Variants in PCDH7 observed in about 807,000 individuals in gnomAD.
PCDH7 encodes the protein protocadherin 7.
In PCDH7, 17 loss-of-function variants were observed where a neutral mutation model predicts 58.9. The ratio of observed to expected loss-of-function variants is 0.29; its 90% CI spans 0.20 to 0.43. The LOEUF (loss-of-function observed/expected upper bound fraction) is 0.43, where lower values mean the gene tolerates loss of function less well. PCDH7 is among the 20% of genes least tolerant of loss of function. The pLI, the probability that PCDH7 is intolerant of heterozygous loss-of-function variation, is 1.00. For synonymous variants in PCDH7, 664 were observed against 616.4 expected, an observed-to-expected ratio of 1.08 and a Z score of -1.14; for missense variants, 1,274 against 1,441.0, an observed-to-expected ratio of 0.88 and a Z score of 1.88.
intron 1 of PCDH7, among the ~76,000 whole-genome samples, chr4:30,858,978 A>G (rs1733841322): frequency 6.6e-6 from 1 of 152,198 alleles, no homozygotes; most frequent in Non-Finnish European, 1.5e-5. Flanking sequence ...GTGGCCACAC[A>G]TATGTTTGGC....
chr4:30,922,034 T>C (rs1451461381), intron 2 of PCDH7, among the ~76,000 whole-genome samples: 1 of 151,800 alleles, frequency 6.6e-6, no homozygotes, highest in Non-Finnish European at 1.5e-5. Flanking sequence ...GATAATTATG[T>C]AATTACATGT....
At chr4:30,809,183 G>A (rs1011613725) in intron 1 of PCDH7, among the ~76,000 whole-genome samples, 1 of 152,124 alleles carries the variant, frequency 6.6e-6, no homozygotes, top group Non-Finnish European at 1.5e-5. Context: ...TTAACAAAAT[G>A]GAAAATTAGA....
intron 3 of PCDH7, among the ~76,000 whole-genome samples, chr4:31,118,491 T>G (rs80156603): frequency 6.6e-6 from 1 of 152,080 alleles, no homozygotes; most frequent in Non-Finnish European, 1.5e-5. Flanking sequence ...ATCTTTCCAG[T>G]TTAAGAAAGA....
intron 3 of PCDH7, among the ~76,000 whole-genome samples, chr4:31,011,261 A>C (rs1167283608): frequency 6.6e-6 from 1 of 152,030 alleles, no homozygotes; most frequent in African/African-American, 2.4e-5. Flanking sequence ...TTTTATAAGA[A>C]GATATTAAAG....
intron 3 of PCDH7, among the ~76,000 whole-genome samples, chr4:31,030,387 A>G (rs915947232): frequency 9.8e-5 from 15 of 152,288 alleles, no homozygotes; most frequent in African/African-American, 3.6e-4. Context: ...TAATAACCCA[A>G]ACTTTTGCAT....
rs1415225290 is a variant in PCDH7, at chr4:31,085,867, TTC to T, written c.*8-56605_*8-56604del. ...TCTCTCTCTCTCTTTTTTTTTTTTT[TTC>T]ATCTCTTCCTCTTCACCAGGAAATC... On this transcript the variant is annotated intron_variant, in intron 3 of 3. Coordinates refer to the PCDH7 transcript ENST00000509759. Among the ~76,000 whole-genome samples, 12 of 151,802 alleles carry T rather than the reference TTC, an allele frequency of 7.9e-5. No homozygotes were observed. In the East Asian group the frequency reaches 1.9e-3, roughly 24 times the overall value.
At chr4:31,025,147 G>A (rs1754325665) in intron 3 of PCDH7, among the ~76,000 whole-genome samples, 1 of 152,156 alleles carries the variant, frequency 6.6e-6, no homozygotes, top group Non-Finnish European at 1.5e-5. Flanking sequence ...TTTAGCTGGT[G>A]TAATGAAACT....
chr4:30,722,062 G>A lies in PCDH7; in HGVS notation c.640G>A (p.Ala214Thr). The A allele has an allele frequency of 8.0e-7, 1 of 1,242,298 alleles. No individual in the cohort carries two copies. The highest frequency in any genetic ancestry group is 1.0e-6 in the Non-Finnish European group (1 of 995,446). 77.0% of individuals were successfully genotyped at this position (1,242,298 alleles called of 1,614,324 possible). A position where few individuals can be genotyped will look rare whatever the true frequency, so the allele number is the denominator to read the frequency against. The change falls in exon 1 of 2, where the codon GCG becomes ACG. Residue 214 changes from alanine (A) to threonine (T), a missense_variant. By Grantham distance (58) the Ala-to-Thr change is moderately conservative. Transcript: ENST00000361762. The surrounding 1 kb of genome is among the most constrained non-coding windows in gnomAD (Gnocchi z 7.6). ...CTACCCCGGGGGCGGCGGGAACGGC[G>A]CGAGCGGCGGCGGCTCGGGAGGCTC...
chr4:30,963,962 A>G (rs1394354906), intron 3 of PCDH7, among the ~76,000 whole-genome samples: 2 of 152,190 alleles, frequency 1.3e-5, no homozygotes, highest in East Asian at 3.9e-4. Context: ...CAAACATATT[A>G]TCTTTCTATT....
At chr4:30,886,854 T>A (rs2109378017) in intron 1 of PCDH7, among the ~76,000 whole-genome samples, 1 of 149,362 alleles carries the variant, frequency 6.7e-6, no homozygotes, top group East Asian at 2.0e-4. Flanking sequence ...ATCATCATTC[T>A]CAGTAAACTA....
chr4:30,961,057 A>G (rs2109459656), intron 3 of PCDH7, among the ~76,000 whole-genome samples: 2 of 152,310 alleles, frequency 1.3e-5, no homozygotes, highest in African/African-American at 4.8e-5. Context: ...GTGGATTTAT[A>G]GATCTTTAAA....
intron 1 of PCDH7, among the ~76,000 whole-genome samples, chr4:30,858,733 T>C (rs1396626722): frequency 6.6e-6 from 1 of 152,220 alleles, no homozygotes; most frequent in East Asian, 1.9e-4. Context: ...ACTGATTTCC[T>C]ACCATTGGGT....
chr4:30,721,023 C>G lies in PCDH7; in HGVS notation c.-400C>G, dbSNP rs1487725220. On this transcript the variant is annotated 5_prime_UTR_variant, in exon 1 of 2. Transcript: ENST00000361762. The surrounding 1 kb of genome is among the most constrained non-coding windows in gnomAD (Gnocchi z 6.7). The stretch of plus-strand genomic sequence containing the variant: ...CTGCCGGAGCGGTTCTGGCCCCTTC[C>G]GACAGAGCGGGGACTAGAGCCGGGG... 1 of 197,962 alleles carries G rather than the reference C, an allele frequency of 5.1e-6. No homozygotes were observed. Among genetic ancestry groups the G allele is most frequent in the Non-Finnish European group, 1.0e-5 (1 of 98,996 alleles). 12.3% of individuals were successfully genotyped at this position (197,962 alleles called of 1,614,324 possible). A position where few individuals can be genotyped will look rare whatever the true frequency, so the allele number is the denominator to read the frequency against.
intron 3 of PCDH7, among the ~76,000 whole-genome samples, chr4:31,096,402 G>C (rs1274176185): frequency 6.6e-6 from 1 of 152,068 alleles, no homozygotes; most frequent in Non-Finnish European, 1.5e-5. Context: ...AAGCAATTGA[G>C]GGATATAAAA....
chr4:31,049,623 T>C (rs1453823799), intron 3 of PCDH7, among the ~76,000 whole-genome samples: 3 of 152,104 alleles, frequency 2.0e-5, no homozygotes, highest in Non-Finnish European at 4.4e-5. Flanking sequence ...AGATTAGGTG[T>C]CCAAAAAGTT....
At chr4:30,771,510 A>C (rs1170950168) in intron 1 of PCDH7, among the ~76,000 whole-genome samples, 2 of 152,202 alleles carry the variant, frequency 1.3e-5, no homozygotes, top group African/African-American at 2.4e-5. Context: ...GAAGTTGGTC[A>C]GTTCTGTTTC....
intron 3 of PCDH7, among the ~76,000 whole-genome samples, chr4:30,972,704 C>T (rs1430706767): frequency 6.6e-6 from 1 of 152,138 alleles, no homozygotes; most frequent in African/African-American, 2.4e-5. Flanking sequence ...TGACCTCACC[C>T]ACATCGCCCA....
chr4:30,724,460 C>T (rs1298439401), exon 1 of PCDH7: 1 of 1,614,030 alleles, frequency 6.2e-7, no homozygotes, highest in Middle Eastern at 1.6e-4. Context: ...CAGTCACCAA[C>T]TGCAGGAAAA....
intron 1 of PCDH7, among the ~76,000 whole-genome samples, chr4:30,761,472 A>G (rs1429010206): frequency 6.6e-6 from 1 of 152,206 alleles, no homozygotes; most frequent in African/African-American, 2.4e-5. Flanking sequence ...TATCCAGTAT[A>G]CTATCATTCA....
Sources: allele counts gnomAD v4.1 joint callset (sites outside exome capture counted in the v4.1 genomes callset), GRCh38; gene constraint gnomAD v4.1.1; non-coding constraint Gnocchi (gnomAD v3.1); transcripts MANE v1.5; gene names NCBI Gene and HGNC (gene_info 2026-07-23, HGNC 2026-07-21).